The following CASK variants were observed in gnomAD, a reference collection of about 807,000 sequenced individuals.
CASK encodes calcium/calmodulin dependent serine protein kinase.
In CASK, 4 loss-of-function variants were observed where a neutral mutation model predicts 82.9. The observed-to-expected ratio is 0.05, with a 90% CI of 0.02 to 0.11. The LOEUF is 0.11. Ranked by LOEUF, CASK falls within the 10% of genes least tolerant of loss-of-function variation. CASK has a pLI of 1.00. For missense variants in CASK, 358 were observed against 720.9 expected (o/e 0.50, Z 5.76); for synonymous variants, 259 against 253.5 (o/e 1.02, Z -0.20).
intron 1 of CASK, among the ~76,000 whole-genome samples, chrX:41,910,183 T>C (rs1383702609): frequency 9.1e-6 from 1 of 109,716 alleles, no homozygotes; most frequent in South Asian, 4.0e-4. Flanking sequence ...GATCACACCA[T>C]TGCACTCCAG....
chrX:41,520,328 G>T lies in CASK; in HGVS notation c.*92C>A. ...TCACACTACAACTAGGTAGTCTCTA[G>T]GGACCATGACCTGCTGACACAAGGC... On this transcript the variant is annotated 3_prime_UTR_variant, in exon 27 of 27. Coordinates refer to ENST00000378163, the MANE Select transcript of CASK (RefSeq NM_001367721.1). The T allele has an allele frequency of 1.5e-6, 1 of 654,551 alleles. No homozygotes were observed. Among genetic ancestry groups the T allele is most frequent in the South Asian group, 2.5e-5 (1 of 39,323 alleles). The allele number at this position is 654,551 out of a possible 1,213,427, so 53.9% of individuals were successfully genotyped here. A position where few individuals can be genotyped will look rare whatever the true frequency, so the allele number is the denominator to read the frequency against.
chrX:41,878,039 A>T (rs970348386), intron 1 of CASK, among the ~76,000 whole-genome samples: 1 of 102,098 alleles, frequency 9.8e-6, no homozygotes, highest in Non-Finnish European at 2.1e-5. Flanking sequence ...AGGTGTGAAG[A>T]TATGTTTTAA....
At chrX:41,691,961 G>T (rs1294415750) in intron 5 of CASK, among the ~76,000 whole-genome samples, 1 of 106,918 alleles carries the variant, frequency 9.4e-6, no homozygotes, top group African/African-American at 3.4e-5. Flanking sequence ...ATGTTGCCTT[G>T]GCTGGCAGGC....
At chrX:41,665,242 C>A in intron 7 of CASK, 35 bp downstream of exon 7, 2 of 1,118,225 alleles carry the variant, frequency 1.8e-6, no homozygotes, top group African/African-American at 3.6e-5. Flanking sequence ...ATAAATTAAT[C>A]TCAATGGAAA....
At chrX:41,895,901 T>C (rs2072262151) in intron 1 of CASK, among the ~76,000 whole-genome samples, 1 of 110,537 alleles carries the variant, frequency 9.0e-6, no homozygotes, top group African/African-American at 3.3e-5. Context: ...GCTGAAAAAT[T>C]GTTTAAAAAA....
intron 2 of CASK, among the ~76,000 whole-genome samples, chrX:41,849,425 T>C (rs764812235): frequency 3.6e-5 from 4 of 111,712 alleles, no homozygotes; most frequent in Admixed American, 9.5e-5. Context: ...AAGCTGTATA[T>C]GTAAGTATAA....
chrX:41,621,563 C>A lies in CASK; in HGVS notation c.1033+1054G>T, dbSNP rs73193114. On this transcript the variant is annotated intron_variant, in intron 11 of 26. Transcript: ENST00000378163. ...GCAGTTGTGCCTTCCGGTGAGATAG[C>A]AGCACTGGACCACAATCTCATGAGA... Among the ~76,000 whole-genome samples the A allele has an allele frequency of 4.5e-3, 503 of 111,738 alleles. 4 individuals are homozygous for A. Among genetic ancestry groups the A allele is most frequent in the Non-Finnish European group, 8.3e-3 (439 of 53,158 alleles).
At chrX:41,615,205 G>T (rs2066172924) in intron 11 of CASK, among the ~76,000 whole-genome samples, 2 of 111,873 alleles carry the variant, frequency 1.8e-5, no homozygotes, top group South Asian at 7.4e-4. Flanking sequence ...ATAAATGGCA[G>T]AAATCAGTCC....
chrX:41,612,753 G>GC (rs1417233116), intron 11 of CASK, among the ~76,000 whole-genome samples: 3 of 76,154 alleles, frequency 3.9e-5, no homozygotes, highest in African/African-American at 1.2e-4. Context: ...GAGGGAGGTG[G>GC]GGGGGGGTCA....
intron 5 of CASK, among the ~76,000 whole-genome samples, chrX:41,731,015 T>C (rs1281781660): frequency 3.6e-5 from 4 of 112,606 alleles, no homozygotes; most frequent in Non-Finnish European, 7.5e-5. Context: ...TAAGTAGTTT[T>C]ATTCTTACAT....
At chrX:41,669,259 T>TG (rs1192867802) in intron 6 of CASK, among the ~76,000 whole-genome samples, 1 of 110,436 alleles carries the variant, frequency 9.1e-6, no homozygotes, top group Non-Finnish European at 1.9e-5. Context: ...CGGTGGGCGG[T>TG]GGGGGGGAGT....
At chrX:41,535,524 G>C (rs1184501239) in intron 22 of CASK, among the ~76,000 whole-genome samples, 1 of 109,465 alleles carries the variant, frequency 9.1e-6, no homozygotes, top group Non-Finnish European at 1.9e-5. Flanking sequence ...AGATTCTAAG[G>C]CAAGTTCTGT....
chrX:41,882,218 T>C (rs947013525), intron 1 of CASK, among the ~76,000 whole-genome samples: 10 of 111,735 alleles, frequency 8.9e-5, no homozygotes, highest in African/African-American at 2.3e-4. Context: ...TAAAACATTA[T>C]GGAAAATAAG....
chrX:41,557,117 G>A lies in CASK; in HGVS notation c.1738-17C>T. 1 of 1,152,088 alleles carries A rather than the reference G, an allele frequency of 8.7e-7. No individual in the cohort carries two copies. Among genetic ancestry groups the A allele is most frequent in the Non-Finnish European group, 1.2e-6 (1 of 841,177 alleles). 94.9% of individuals were successfully genotyped at this position (1,152,088 alleles called of 1,213,427 possible). ...GGAATCTCTCTGAAATAAGACACAA[G>A]GTTCATTAACACAGAACACCAGCAC... On this transcript the variant is annotated splice_polypyrimidine_tract_variant and intron_variant, in intron 18 of 26. Transcript: ENST00000378163.
chrX:41,827,892 T>A (rs1569461230), intron 2 of CASK, among the ~76,000 whole-genome samples: 2 of 111,834 alleles, frequency 1.8e-5, no homozygotes, highest in Non-Finnish European at 3.8e-5. Flanking sequence ...ATAATTAAGA[T>A]AAACAAATGG....
chrX:41,751,189 CCT>C (rs1230715431), intron 3 of CASK, among the ~76,000 whole-genome samples: 1 of 111,788 alleles, frequency 8.9e-6, no homozygotes, highest in Non-Finnish European at 1.9e-5. Flanking sequence ...CTCAGGTGAT[CCT>C]CCCGCCTCAG....
At chrX:41,806,318 C>T (rs1020181801) in intron 2 of CASK, among the ~76,000 whole-genome samples, 5 of 111,614 alleles carry the variant, frequency 4.5e-5, no homozygotes, top group African/African-American at 6.5e-5. Flanking sequence ...AATGTTGGGA[C>T]GTGTTCCTAG....
At chrX:41,549,302 T>C (rs2065063773) in intron 21 of CASK, among the ~76,000 whole-genome samples, 1 of 111,325 alleles carries the variant, frequency 9.0e-6, no homozygotes, top group Non-Finnish European at 1.9e-5. Context: ...CAAAGGAAAA[T>C]TGATCTTTCT....
intron 5 of CASK, among the ~76,000 whole-genome samples, chrX:41,716,536 C>G (rs2068064824): frequency 8.9e-6 from 1 of 112,289 alleles, no homozygotes; most frequent in Admixed American, 9.3e-5. Flanking sequence ...ATAATGATCA[C>G]TCTTTATTTT....
Sources: gnomAD v4.1 joint callset for allele counts (sites outside exome capture counted in the v4.1 genomes callset) on GRCh38, gnomAD v4.1.1 for gene constraint, MANE v1.5 for transcripts, NCBI Gene and HGNC (gene_info 2026-07-23, HGNC 2026-07-21) for gene names.